The following MRPL13 variants were observed in gnomAD, a reference collection of about 807,000 sequenced individuals.
The protein encoded by MRPL13 is large ribosomal subunit protein uL13m.
In MRPL13, 33 loss-of-function variants were observed where a neutral mutation model predicts 29.0. The observed-to-expected ratio is 1.14, with a 90% CI of 0.86 to 1.52. The LOEUF (loss-of-function observed/expected upper bound fraction) is 1.52. MRPL13 is among the 40% of genes most tolerant of loss of function. The probability of loss-of-function intolerance (pLI) is 0.00; values close to 1 mark genes in which losing one functional copy is unlikely to be tolerated. For synonymous variants in MRPL13, 77 were observed against 68.4 expected, an observed-to-expected ratio of 1.13 and a Z score of -0.62; for missense variants, 227 against 216.7, an observed-to-expected ratio of 1.05 and a Z score of -0.30.
intron 4 of MRPL13, among the ~76,000 whole-genome samples, chr8:120,423,633 T>C (rs1010304177): frequency 1.3e-5 from 2 of 152,242 alleles, no homozygotes; most frequent in East Asian, 3.9e-4. Context: ...GAATTCCACA[T>C]ATAGCAAAAC....
At chr8:120,444,214 T>C (rs1036225623) in intron 1 of MRPL13, among the ~76,000 whole-genome samples, 1 of 152,188 alleles carries the variant, frequency 6.6e-6, no homozygotes, top group African/African-American at 2.4e-5. Flanking sequence ...AAAAAGGTTT[T>C]AAAATTTTTA....
intron 2 of MRPL13, among the ~76,000 whole-genome samples, chr8:120,432,457 T>C (rs530140947): frequency 3.9e-5 from 6 of 152,176 alleles, no homozygotes; most frequent in African/African-American, 1.4e-4. Flanking sequence ...TCAGTAAAAA[T>C]GTTTGTATTA....
At chr8:120,418,244 T>A (rs902513840) in intron 5 of MRPL13, among the ~76,000 whole-genome samples, 7 of 152,242 alleles carry the variant, frequency 4.6e-5, no homozygotes, top group African/African-American at 7.2e-5. Flanking sequence ...ATTCTTTTTT[T>A]AAAAAATTGC....
At chr8:120,428,616 T>C (rs1404920014) in intron 3 of MRPL13, among the ~76,000 whole-genome samples, 2 of 151,992 alleles carry the variant, frequency 1.3e-5, no homozygotes, top group Non-Finnish European at 2.9e-5. Context: ...ATATCCAGCA[T>C]CATAAGGAAC....
chr8:120,399,124 A>G lies in MRPL13; in HGVS notation c.516-2999T>C, dbSNP rs116233244. Among the ~76,000 whole-genome samples, 1,302 of 152,310 alleles carry G rather than the reference A, an allele frequency of 8.5e-3. 21 individuals carry two copies. Among genetic ancestry groups the G allele is most frequent in the African/African-American group, 0.03 (1,249 of 41,568 alleles). On this transcript the variant is annotated intron_variant, in intron 6 of 6. Coordinates refer to ENST00000306185, the MANE Select transcript of MRPL13 (RefSeq NM_014078.6). ...AACCTAGCAAGACAGGCCAAAACTC[A>G]AATTCAGGAAATCCGGAGAACCCCA...
intron 3 of MRPL13, among the ~76,000 whole-genome samples, chr8:120,431,539 T>C (rs572402311): frequency 6.6e-6 from 1 of 152,166 alleles, no homozygotes; most frequent in Non-Finnish European, 1.5e-5. Context: ...AAAAGTTCTA[T>C]TGCAACAGAA....
intron 2 of MRPL13, among the ~76,000 whole-genome samples, chr8:120,437,401 A>T (rs890211112): frequency 2.0e-5 from 3 of 152,158 alleles, no homozygotes; most frequent in African/African-American, 7.2e-5. Flanking sequence ...ATTTTAACAT[A>T]ATCTAATTTT....
At chr8:120,442,774 C>G (rs1422075187) in intron 2 of MRPL13, among the ~76,000 whole-genome samples, 1 of 152,132 alleles carries the variant, frequency 6.6e-6, no homozygotes, top group South Asian at 2.1e-4. Context: ...CCATACCTAG[C>G]TAGCACCATA....
intron 2 of MRPL13, among the ~76,000 whole-genome samples, chr8:120,441,562 G>A (rs1423239381): frequency 6.6e-6 from 1 of 152,110 alleles, no homozygotes; most frequent in Non-Finnish European, 1.5e-5. Context: ...ATGAAAATTA[G>A]CCTGGACTCC....
chr8:120,444,559 G>A (rs1021295106), intron 1 of MRPL13, among the ~76,000 whole-genome samples: 1 of 152,142 alleles, frequency 6.6e-6, no homozygotes, highest in Non-Finnish European at 1.5e-5. Context: ...CGTGGCCTCT[G>A]CACCATCACG....
intron 2 of MRPL13, among the ~76,000 whole-genome samples, chr8:120,441,082 A>C (rs1390088813): frequency 1.3e-5 from 2 of 152,098 alleles, no homozygotes; most frequent in African/African-American, 4.8e-5. Context: ...GTCACAGATA[A>C]GGCAAAGCCT....
intron 6 of MRPL13, among the ~76,000 whole-genome samples, chr8:120,400,736 AT>A (rs1229207985): frequency 2.7e-3 from 371 of 139,906 alleles, no homozygotes; most frequent in African/African-American, 9.4e-3. Flanking sequence ...AAATAAATAA[AT>A]AAATAAAAAA....
intron 5 of MRPL13, chr8:120,416,080 G>T (rs1277772737): frequency 6.6e-6 from 1 of 152,158 alleles, no homozygotes; most frequent in Non-Finnish European, 1.5e-5. Flanking sequence ...GCAAAATGAG[G>T]AATCAAAGTT....
intron 6 of MRPL13, among the ~76,000 whole-genome samples, chr8:120,413,598 G>A (rs1812766592): frequency 6.6e-6 from 1 of 151,888 alleles, no homozygotes; most frequent in Non-Finnish European, 1.5e-5. Context: ...TTTTCTTTTT[G>A]GACCAAGACA....
Position 120,432,044 on chromosome 8 carries a change from G to A in MRPL13, c.231C>T (p.Tyr77=), listed in dbSNP as rs368775668. The A allele has an allele frequency of 8.6e-5, 138 of 1,604,826 alleles. No homozygotes were observed. The highest frequency in any genetic ancestry group is 1.1e-4 in the Non-Finnish European group (133 of 1,175,224). ...FSGNKWEQKV[Y]SSHTGYPGGF... is the part of the protein sequence containing the mutation. The stretch of plus-strand genomic sequence containing the variant: ...CATTATCTTACCCAGTATGCGAAGA[G>A]TATACTTTTTGTTCCCATTTGTTTC... Residue 77 remains tyrosine, a synonymous_variant, in exon 3 of 7, where the codon TAC becomes TAT. Transcript: ENST00000306185.
At position 120,432,124 on chromosome 8, in the gene MRPL13, C is replaced by T. The variant is rs376034901; in HGVS notation, c.152-1G>A. On this transcript the variant is annotated splice_acceptor_variant, in intron 2 of 6. Coordinates refer to ENST00000306185, the MANE Select transcript of MRPL13 (RefSeq NM_014078.6). LOFTEE classifies it high-confidence loss of function. Reference sequence around the variant, plus strand: ...ATAACAACATGATCCCCACAGTCACCTACATTTTAAAAAGAAACAAGATTT... The same window carrying T: ...ATAACAACATGATCCCCACAGTCACTTACATTTTAAAAAGAAACAAGATTT... The T allele has an allele frequency of 1.9e-6, 3 of 1,554,068 alleles. No individual in the cohort carries two copies. Among genetic ancestry groups the T allele is most frequent in the Non-Finnish European group, 2.6e-6 (3 of 1,156,210 alleles).
chr8:120,401,475 A>G (rs1352129241), intron 6 of MRPL13, among the ~76,000 whole-genome samples: 1 of 152,232 alleles, frequency 6.6e-6, no homozygotes, highest in East Asian at 1.9e-4. Context: ...AAAACTCTCA[A>G]TAAACTAGGT....
At chr8:120,434,894 AT>A (rs879944536) in intron 2 of MRPL13, among the ~76,000 whole-genome samples, 1 of 152,082 alleles carries the variant, frequency 6.6e-6, no homozygotes, top group Non-Finnish European at 1.5e-5. Flanking sequence ...CATTTGTATA[AT>A]TTTTTTGGTC....
chr8:120,400,737 T>TA (rs1439338950), intron 6 of MRPL13, among the ~76,000 whole-genome samples: 10 of 140,156 alleles, frequency 7.1e-5, no homozygotes, highest in African/African-American at 2.3e-4. Context: ...AATAAATAAA[T>TA]AAATAAAAAA....
Sources: gnomAD v4.1 joint callset for allele counts (sites outside exome capture counted in the v4.1 genomes callset) on GRCh38, gnomAD v4.1.1 for gene constraint, MANE v1.5 for transcripts, NCBI Gene and HGNC (gene_info 2026-07-23, HGNC 2026-07-21) for gene names.